The following NDUFAF7 variants were observed in gnomAD, a reference collection of about 807,000 sequenced individuals.
NDUFAF7 encodes protein arginine methyltransferase NDUFAF7, mitochondrial.
A neutral mutation model predicts 47.2 loss-of-function variants in NDUFAF7; 48 were observed. The observed-to-expected ratio is 1.02, with a 90% confidence interval of 0.81 to 1.29. The LOEUF is 1.29. Ranked by LOEUF, NDUFAF7 falls within the 50% of genes most tolerant of loss-of-function variation. NDUFAF7 has a pLI of 0.00. For synonymous variants in NDUFAF7, 217 were observed against 190.0 expected (o/e 1.14, Z -1.17); for missense variants, 635 against 537.6 (o/e 1.18, Z -1.79).
downstream of NDUFAF7, chr2:37,251,298 A>G (rs1174542256): frequency 6.6e-6 from 1 of 152,600 alleles, no homozygotes; most frequent in Admixed American, 6.5e-5. Flanking sequence ...ATTTATGGGT[A>G]GATAGTACAG....
chr2:37,235,157 A>G (rs1164588321), intron 2 of NDUFAF7, among the ~76,000 whole-genome samples: 1 of 151,932 alleles, frequency 6.6e-6, no homozygotes, highest in African/African-American at 2.4e-5. Flanking sequence ...GTGGCATTTG[A>G]GCAGATTCGG....
the NDUFAF7 span, among the ~76,000 whole-genome samples, chr2:37,259,194 T>C: frequency 6.6e-6 from 1 of 152,180 alleles, no homozygotes; most frequent in South Asian, 2.1e-4. Context: ...ATACTCTACA[T>C]AGAAAAAGGA....
the NDUFAF7 span, chr2:37,267,437 A>G: frequency 6.3e-7 from 1 of 1,588,162 alleles, no homozygotes; most frequent in Non-Finnish European, 8.6e-7. Flanking sequence ...TACCTGTAAA[A>G]TAGCCACTTC....
chr2:37,267,169 G>C, the NDUFAF7 span, among the ~76,000 whole-genome samples: 1 of 152,126 alleles, frequency 6.6e-6, no homozygotes, highest in Non-Finnish European at 1.5e-5. Flanking sequence ...GCAACCTTCT[G>C]ACAAAATGTG....
chr2:37,270,183 T>C, the NDUFAF7 span, among the ~76,000 whole-genome samples: 1 of 151,646 alleles, frequency 6.6e-6, no homozygotes. Flanking sequence ...GCCAAGACTG[T>C]GCCACTGCAC....
At chr2:37,250,136 A>C (rs958739512), downstream of NDUFAF7, among the ~76,000 whole-genome samples, 1 of 151,826 alleles carries the variant, frequency 6.6e-6, no homozygotes, top group Non-Finnish European at 1.5e-5. Context: ...AAAAGATTAG[A>C]CACCCCTGCA....
At chr2:37,249,572 C>T (rs199922255), downstream of NDUFAF7, among the ~76,000 whole-genome samples, 132 of 124,720 alleles carry the variant, frequency 1.1e-3, 3 homozygotes, top group East Asian at 0.029. Context: ...CACACACACA[C>T]ACACACACAC....
At chr2:37,264,152 C>T in the NDUFAF7 span, among the ~76,000 whole-genome samples, 1 of 152,064 alleles carries the variant, frequency 6.6e-6, no homozygotes, top group Non-Finnish European at 1.5e-5. Context: ...CTAGATGTGG[C>T]CAGGTTGACA....
At chr2:37,254,328 G>T, downstream of NDUFAF7, 1 of 1,510,174 alleles carries the variant, frequency 6.6e-7, no homozygotes, top group Non-Finnish European at 9.2e-7. Flanking sequence ...GAATTTGGGT[G>T]CACAGAGTAC....
chr2:37,248,062 T>C (rs1156571007), intron 9 of NDUFAF7, 73 bp from the exon 10 acceptor site: 2 of 1,168,164 alleles, frequency 1.7e-6, no homozygotes, highest in African/African-American at 1.5e-5. Context: ...TATTTGAGAG[T>C]CATTAGTATT....
rs1666344531 is a variant in NDUFAF7, at chr2:37,241,662, C to G, written c.493C>G (p.Gln165Glu). The G allele has an allele frequency of 6.2e-7, 1 of 1,613,800 alleles. No homozygotes were observed. Among genetic ancestry groups the G allele is most frequent in the Non-Finnish European group, 8.5e-7 (1 of 1,179,988 alleles). ...VEVSQKLSEI[Q>E]ALTLTKEKVP... ...GGTAAGCCAAAAATTAAGTGAGATT[C>G]AAGCATTGACACTGACTAAAGAGAA... The change falls in exon 5 of 10, where the codon CAA becomes GAA. Residue 165 changes from glutamine (Q) to glutamate (E), a missense_variant. Transcript: ENST00000002125.
intron 4 of NDUFAF7, among the ~76,000 whole-genome samples, chr2:37,238,408 G>A (rs1255936041): frequency 6.6e-6 from 1 of 151,420 alleles, no homozygotes; most frequent in African/African-American, 2.4e-5. Context: ...CTGAGATTGC[G>A]CCATTGCACT....
At chr2:37,242,813 T>C (rs1666495645) in intron 6 of NDUFAF7, 120 bp downstream of exon 6, 16 of 712,710 alleles carry the variant, frequency 2.2e-5, no homozygotes, top group Non-Finnish European at 3.6e-5. Context: ...TTAACTATTA[T>C]TTGGAATTTT....
chr2:37,241,878 A>G, intron 5 of NDUFAF7, 87 bp downstream of exon 5: 1 of 1,196,680 alleles, frequency 8.4e-7, no homozygotes, highest in Admixed American at 2.0e-5. Flanking sequence ...CAGCAATATA[A>G]TAGATTGAGT....
At chr2:37,260,310 T>C in the NDUFAF7 span, 1 of 1,609,332 alleles carries the variant, frequency 6.2e-7, no homozygotes, top group South Asian at 1.1e-5. Flanking sequence ...CATGCAGCTT[T>C]TCCATTACTA....
At chr2:37,257,652 T>G (rs1668068983), downstream of NDUFAF7, among the ~76,000 whole-genome samples, 1 of 110,316 alleles carries the variant, frequency 9.1e-6, no homozygotes, top group Non-Finnish European at 1.7e-5. Context: ...GGCGACAGAG[T>G]GAAGACTCTG....
intron 3 of NDUFAF7, 22 bp from the exon 4 acceptor site, chr2:37,237,734 GT>G (rs368987177): frequency 5.9e-4 from 767 of 1,301,414 alleles, no homozygotes; most frequent in South Asian, 7.7e-4. Context: ...TTTAATATGT[GT>G]TTTTTTTTTC....
chr2:37,242,639 C>T lies in NDUFAF7; in HGVS notation c.627C>T (p.Tyr209=), dbSNP rs1558499900. The T allele has an allele frequency of 6.3e-7, 1 of 1,591,660 alleles. No individual in the cohort carries two copies. The highest frequency in any genetic ancestry group is 1.1e-5 in the South Asian group (1 of 90,502). ...YRDLHDVPKG[Y]SFYLAHEFFD... ...TGTTTTCCTCTTTTTAAATAGGGTA[C>T]AGCTTTTATCTTGCACATGAATTTT... The change falls in exon 6 of 10, where the codon TAC becomes TAT. Residue 209 remains tyrosine (Y), a synonymous_variant. Coordinates refer to ENST00000002125, the MANE Select transcript of NDUFAF7 (RefSeq NM_144736.5).
chr2:37,265,698 G>A, the NDUFAF7 span, among the ~76,000 whole-genome samples: 1 of 152,124 alleles, frequency 6.6e-6, no homozygotes, highest in South Asian at 2.1e-4. Context: ...TAAACAATTT[G>A]AAGAGAATCT....
Sources: gnomAD v4.1 joint callset for allele counts (sites outside exome capture counted in the v4.1 genomes callset) on GRCh38, gnomAD v4.1.1 for gene constraint, MANE v1.5 for transcripts, NCBI Gene and HGNC (gene_info 2026-07-23, HGNC 2026-07-21) for gene names.